RALGPS2: variants seen among roughly 807,000 people sequenced by gnomAD.
The protein encoded by RALGPS2 is ras-specific guanine nucleotide-releasing factor RalGPS2.
Under a neutral mutation model 86.8 loss-of-function variants are expected in RALGPS2, and 43 were observed. The ratio of observed to expected loss-of-function variants is 0.50; its 90% confidence interval spans 0.39 to 0.64. The LOEUF (loss-of-function observed/expected upper bound fraction) is 0.64. RALGPS2 is among the 30% of genes least tolerant of loss of function. The pLI is 0.00. For synonymous variants in RALGPS2, 243 were observed against 231.3 expected, an observed-to-expected ratio of 1.05 and a Z score of -0.46; for missense variants, 536 against 694.6, an observed-to-expected ratio of 0.77 and a Z score of 2.57.
intron 16 of RALGPS2, 134 bp downstream of exon 16, chr1:178,894,158 C>T (rs1454056300): frequency 1.1e-5 from 6 of 561,332 alleles, no homozygotes; most frequent in South Asian, 2.8e-5. Flanking sequence ...TAAGGTCCTC[C>T]CCTCTTATCC....
chr1:178,760,084 C>A (rs191440772), intron 1 of RALGPS2, among the ~76,000 whole-genome samples: 1 of 152,072 alleles, frequency 6.6e-6, no homozygotes, highest in East Asian at 1.9e-4. Flanking sequence ...TTTCTTTTGT[C>A]TGATTGCCCT....
intron 1 of RALGPS2, among the ~76,000 whole-genome samples, chr1:178,769,449 A>G (rs117283435): frequency 6.7e-6 from 1 of 148,522 alleles, no homozygotes; most frequent in Non-Finnish European, 1.5e-5. Context: ...TTGGAAAGGG[A>G]TGCTCTGAAT....
chr1:178,794,575 C>T (rs770149791), intron 4 of RALGPS2, among the ~76,000 whole-genome samples: 5 of 152,038 alleles, frequency 3.3e-5, no homozygotes, highest in African/African-American at 9.7e-5. Flanking sequence ...TATAAATTAT[C>T]GGATGTTCTA....
intron 14 of RALGPS2, among the ~76,000 whole-genome samples, chr1:178,891,457 A>G (rs887485633): frequency 6.6e-6 from 1 of 152,110 alleles, no homozygotes; most frequent in Non-Finnish European, 1.5e-5. Flanking sequence ...GAAATCAAAT[A>G]CATTGTTGTC....
At chr1:178,881,017 G>T (rs955730009) in intron 10 of RALGPS2, among the ~76,000 whole-genome samples, 5 of 152,164 alleles carry the variant, frequency 3.3e-5, no homozygotes, top group Admixed American at 1.3e-4. Flanking sequence ...CCATTACATT[G>T]ACATATATTT....
At chr1:178,852,580 A>G (rs570971426) in intron 8 of RALGPS2, 1 of 1,306,528 alleles carries the variant, frequency 7.7e-7, no homozygotes, top group African/African-American at 1.5e-5. Context: ...AGTGACCAAA[A>G]CTGACCTTTT....
At chr1:178,884,168 G>A (rs1659378713) in intron 11 of RALGPS2, among the ~76,000 whole-genome samples, 1 of 151,992 alleles carries the variant, frequency 6.6e-6, no homozygotes, top group Non-Finnish European at 1.5e-5. Context: ...AAATTTCTGT[G>A]GTCTAATGGG....
intron 1 of RALGPS2, among the ~76,000 whole-genome samples, chr1:178,766,864 T>A (rs532551018): frequency 6.6e-6 from 1 of 152,372 alleles, no homozygotes; most frequent in Non-Finnish European, 1.5e-5. Context: ...TTTTTCTCCC[T>A]TTCAGGGATG....
chr1:178,881,949 CT>C (rs1043196406), intron 10 of RALGPS2, among the ~76,000 whole-genome samples: 1 of 152,112 alleles, frequency 6.6e-6, no homozygotes, highest in Non-Finnish European at 1.5e-5. Flanking sequence ...TTTTGGGCAA[CT>C]TCATCTACAT....
chr1:178,890,654 T>A (rs1436232937), intron 14 of RALGPS2, among the ~76,000 whole-genome samples: 8 of 151,962 alleles, frequency 5.3e-5, no homozygotes, highest in Admixed American at 1.3e-4. Flanking sequence ...TAGATCCTTA[T>A]TTTTTATGTG....
At chr1:178,887,121 G>C (rs1659525024) in intron 13 of RALGPS2, among the ~76,000 whole-genome samples, 1 of 152,190 alleles carries the variant, frequency 6.6e-6, no homozygotes, top group Non-Finnish European at 1.5e-5. Flanking sequence ...TAATTTTTGA[G>C]TCTTCTAGAT....
rs545461428 is a variant in RALGPS2, at chr1:178,774,831, ATT to A, written c.-83-1850_-83-1849del. 7.4e-4 allele frequency among the ~76,000 whole-genome samples: 112 copies of A among 152,344 alleles called. 1 individual carries two copies. Among genetic ancestry groups the A allele is most frequent in the Admixed American group, 3.3e-3 (51 of 15,308 alleles). On this transcript the variant is annotated intron_variant, in intron 1 of 19. Coordinates refer to ENST00000367635, the MANE Select transcript of RALGPS2 (RefSeq NM_152663.5). ...AGGTACCTAGGCTGTATCTGAATAA[ATT>A]AAGATAAATTCAAGATGTGACTGAA...
At chr1:178,859,575 T>C (rs1657824924) in intron 8 of RALGPS2, among the ~76,000 whole-genome samples, 1 of 151,530 alleles carries the variant, frequency 6.6e-6, no homozygotes. Flanking sequence ...TTTTAACTTT[T>C]TAAGCTTACC....
intron 19 of RALGPS2, among the ~76,000 whole-genome samples, chr1:178,910,578 C>G (rs750160424): frequency 3.3e-5 from 5 of 152,146 alleles, no homozygotes; most frequent in Non-Finnish European, 7.4e-5. Flanking sequence ...TGATTTGCAT[C>G]TGGTGAACCA....
intron 7 of RALGPS2, among the ~76,000 whole-genome samples, chr1:178,830,521 A>T (rs1655966767): frequency 6.6e-6 from 1 of 152,210 alleles, no homozygotes; most frequent in Non-Finnish European, 1.5e-5. Flanking sequence ...AAAATTGGTC[A>T]CCAGTTTGGG....
intron 1 of RALGPS2, among the ~76,000 whole-genome samples, chr1:178,735,329 A>C (rs972133239): frequency 6.6e-6 from 1 of 152,188 alleles, no homozygotes; most frequent in African/African-American, 2.4e-5. Flanking sequence ...TGGTGATAGA[A>C]GCATGAGCAT....
chr1:178,774,331 T>C (rs987182762), intron 1 of RALGPS2, among the ~76,000 whole-genome samples: 1 of 152,204 alleles, frequency 6.6e-6, no homozygotes, highest in Non-Finnish European at 1.5e-5. Flanking sequence ...TTTACAAATA[T>C]TTTAATATTG....
In RALGPS2 at chr1:178,917,730, T is replaced by C. The variant is rs1270631454; in HGVS notation, c.*1371T>C. 6.6e-6 allele frequency: 1 copy of C among 152,090 alleles called. No individual in the cohort carries two copies. The highest frequency in any genetic ancestry group is 1.5e-5 in the Non-Finnish European group (1 of 67,992). 9.4% of individuals were successfully genotyped at this position (152,090 alleles called of 1,614,324 possible). On this transcript the variant is annotated 3_prime_UTR_variant, in exon 20 of 20. Transcript: ENST00000367635. Reference sequence around the variant, plus strand: ...AATGTTGAATTATTAAAAAAAAAGTTTGAAGGTAAGATGCCTTAGAATTTT... The same window carrying C: ...AATGTTGAATTATTAAAAAAAAAGTCTGAAGGTAAGATGCCTTAGAATTTT...
At chr1:178,874,135 T>G (rs1446910516) in intron 8 of RALGPS2, among the ~76,000 whole-genome samples, 1 of 152,190 alleles carries the variant, frequency 6.6e-6, no homozygotes. Context: ...AATAAGGGAA[T>G]GATCTTAAAG....
Sources: gnomAD v4.1 joint callset for allele counts (sites outside exome capture counted in the v4.1 genomes callset) on GRCh38, gnomAD v4.1.1 for gene constraint, MANE v1.5 for transcripts, NCBI Gene and HGNC (gene_info 2026-07-23, HGNC 2026-07-21) for gene names.